Variants in MRPL3 observed in about 807,000 individuals in gnomAD.
MRPL3 encodes the protein mitochondrial ribosomal protein L3.
MRPL3 carries 43 observed loss-of-function variants against 44.3 expected under a neutral mutation model. The ratio of observed to expected loss-of-function variants is 0.97; its 90% CI spans 0.76 to 1.25. The LOEUF (loss-of-function observed/expected upper bound fraction) is 1.25, where lower values mean the gene tolerates loss of function less well. MRPL3 is among the 50% of genes most tolerant of loss of function. The pLI, the probability that MRPL3 is intolerant of heterozygous loss-of-function variation, is 0.00. For synonymous variants in MRPL3, 171 were observed against 152.3 expected (o/e 1.12, Z -0.91); for missense variants, 406 against 427.6 (o/e 0.95, Z 0.45).
intron 9 of MRPL3, 30 bp from the exon 10 acceptor site, chr3:131,462,905 C>T (rs769087997): frequency 6.3e-7 from 1 of 1,576,796 alleles, no homozygotes; most frequent in Non-Finnish European, 8.6e-7. Flanking sequence ...TTAGTGAAAC[C>T]AATTAAGTTC....
rs771967872 is a variant in MRPL3, at chr3:131,469,711, T to C, written c.801A>G (p.Thr267=). Residue 267 remains threonine, a synonymous_variant, in exon 8 of 10, where the codon ACA becomes ACG. Coordinates refer to ENST00000264995, the MANE Select transcript of MRPL3 (RefSeq NM_007208.4). ...TAACACTTACTTTCAGTCCATATTCTGTCCTGTATATGTTTCCCATTTTTC... is the reference window on the plus strand; with the variant it reads ...TAACACTTACTTTCAGTCCATATTCCGTCCTGTATATGTTTCCCATTTTTC... ...MPGKMGNIYR[T]EYGLKVWRIN... is the part of the protein sequence containing the mutation. The C allele has an allele frequency of 1.2e-6, 2 of 1,611,064 alleles. No individual in the cohort carries two copies. Among genetic ancestry groups the C allele is most frequent in the South Asian group, 1.1e-5 (1 of 90,876 alleles).
intron 6 of MRPL3, among the ~76,000 whole-genome samples, chr3:131,484,275 T>G (rs542019576): frequency 1.3e-5 from 2 of 152,194 alleles, no homozygotes; most frequent in African/African-American, 4.8e-5. Context: ...AGCATCTATA[T>G]CACCTGGAAA....
intron 7 of MRPL3, among the ~76,000 whole-genome samples, chr3:131,470,152 A>G (rs1465233356): frequency 6.6e-6 from 1 of 152,136 alleles, no homozygotes; most frequent in Non-Finnish European, 1.5e-5. Context: ...AACTGACTTA[A>G]TGGACTTCAT....
At chr3:131,501,971 A>C (rs1269751566) in intron 1 of MRPL3, 2 of 1,453,056 alleles carry the variant, frequency 1.4e-6, no homozygotes, top group South Asian at 1.2e-5. Flanking sequence ...CATATTCCCC[A>C]AAAAACAGTC....
chr3:131,490,951 C>T (rs1934242745), intron 4 of MRPL3, among the ~76,000 whole-genome samples: 2 of 152,162 alleles, frequency 1.3e-5, no homozygotes, highest in Non-Finnish European at 2.9e-5. Flanking sequence ...TAATTCCCAC[C>T]CCTTCTCACC....
intron 6 of MRPL3, among the ~76,000 whole-genome samples, chr3:131,476,168 A>T (rs962321555): frequency 6.6e-6 from 1 of 152,248 alleles, no homozygotes; most frequent in African/African-American, 2.4e-5. Flanking sequence ...GGCTAATTAC[A>T]GATTGCTTTT....
intron 6 of MRPL3, among the ~76,000 whole-genome samples, chr3:131,476,634 G>C (rs1186382735): frequency 3.9e-5 from 6 of 152,122 alleles, no homozygotes; most frequent in Admixed American, 3.9e-4. Context: ...AGATATATTT[G>C]AAAATTAAGA....
intron 6 of MRPL3, among the ~76,000 whole-genome samples, chr3:131,475,224 A>G (rs530477964): frequency 7.6e-4 from 116 of 152,342 alleles, no homozygotes; most frequent in Non-Finnish European, 1.3e-3. Flanking sequence ...ATTTACAAAG[A>G]GGACAAAAAG....
intron 8 of MRPL3, 94 bp from the exon 9 acceptor site, chr3:131,468,262 AAAAG>A: frequency 1.5e-6 from 1 of 667,342 alleles, no homozygotes; most frequent in Non-Finnish European, 2.5e-6. Flanking sequence ...GTAAAGTAAT[AAAAG>A]ATTATTACCA....
chr3:131,494,190 C>A (rs1283958513), intron 4 of MRPL3, among the ~76,000 whole-genome samples: 1 of 152,206 alleles, frequency 6.6e-6, no homozygotes, highest in African/African-American at 2.4e-5. Context: ...CTATACCTCA[C>A]AAGAGTTCTC....
At chr3:131,480,756 T>C (rs1559821343) in intron 6 of MRPL3, among the ~76,000 whole-genome samples, 1 of 152,212 alleles carries the variant, frequency 6.6e-6, no homozygotes, top group African/African-American at 2.4e-5. Context: ...AGCCACATAA[T>C]GTTCTTCAAT....
chr3:131,483,389 T>C (rs1180162672), intron 6 of MRPL3, among the ~76,000 whole-genome samples: 1 of 152,218 alleles, frequency 6.6e-6, no homozygotes, highest in Non-Finnish European at 1.5e-5. Flanking sequence ...AAAAATGTTC[T>C]GCTAGGCAGT....
intron 6 of MRPL3, among the ~76,000 whole-genome samples, chr3:131,474,923 T>C (rs1235456575): frequency 2.0e-5 from 3 of 151,878 alleles, no homozygotes; most frequent in Non-Finnish European, 4.4e-5. Context: ...AGACTACAGG[T>C]GCATGCCACC....
intron 2 of MRPL3, among the ~76,000 whole-genome samples, chr3:131,500,906 G>A (rs1454700977): frequency 6.6e-6 from 1 of 152,172 alleles, no homozygotes; most frequent in African/African-American, 2.4e-5. Context: ...AGTTAGCTGA[G>A]GCTATAGAGA....
intron 6 of MRPL3, among the ~76,000 whole-genome samples, chr3:131,482,462 C>T (rs190052429): frequency 2.0e-5 from 3 of 151,742 alleles, no homozygotes; most frequent in Admixed American, 1.3e-4. Flanking sequence ...TTGCAGTGAG[C>T]CGAGATCGTG....
rs186961893 is a variant in MRPL3, at chr3:131,499,704, T to A, written c.369+726A>T. 1.5e-3 allele frequency among the ~76,000 whole-genome samples: 225 copies of A among 151,880 alleles called. 1 individual carries two copies. Among genetic ancestry groups the A allele is most frequent in the African/African-American group, 5.1e-3 (211 of 41,344 alleles). On this transcript the variant is annotated intron_variant, in intron 3 of 9. Transcript: ENST00000264995. ...GAGTTGTTCAAAGTGATTGGGGGAG[T>A]GATGATCTCTTACCAGTATCTTTCT... is the stretch of plus-strand genomic sequence containing the variant.
intron 4 of MRPL3, among the ~76,000 whole-genome samples, chr3:131,492,417 A>G (rs1165963259): frequency 6.6e-6 from 1 of 152,140 alleles, no homozygotes; most frequent in East Asian, 1.9e-4. Flanking sequence ...TTTTCCACAG[A>G]CCAGTGGAGG....
At chr3:131,482,395 A>C (rs1934010008) in intron 6 of MRPL3, among the ~76,000 whole-genome samples, 3 of 152,080 alleles carry the variant, frequency 2.0e-5, no homozygotes. Flanking sequence ...AGTTGCCTGT[A>C]GTCCAGCTAC....
At position 131,501,541 on chromosome 3, in the gene MRPL3, A is replaced by G; in HGVS notation, c.267T>C (p.Pro89=). ...PLKDEPWPIH[P]WEPGSFRVGL... Reference sequence around the variant, plus strand: ...ATACAAAATAATCACCTGGTTCCCAAGGATGTATAGGCCATGGTTCATCTT... The same window carrying G: ...ATACAAAATAATCACCTGGTTCCCAGGGATGTATAGGCCATGGTTCATCTT... The change falls in exon 2 of 10, where the codon CCT becomes CCC. Residue 89 remains proline (P), a synonymous_variant. Coordinates refer to ENST00000264995, the MANE Select transcript of MRPL3 (RefSeq NM_007208.4). 1 of 1,610,554 alleles carries G rather than the reference A, an allele frequency of 6.2e-7. No homozygotes were observed. The highest frequency in any genetic ancestry group is 8.5e-7 in the Non-Finnish European group (1 of 1,179,272).
Sources: allele counts gnomAD v4.1 joint callset (sites outside exome capture counted in the v4.1 genomes callset), GRCh38; gene constraint gnomAD v4.1.1; transcripts MANE v1.5; gene names NCBI Gene and HGNC (gene_info 2026-07-23, HGNC 2026-07-21).